The following PPP1R3B variants were observed in gnomAD, a reference collection of about 807,000 sequenced individuals.
PPP1R3B encodes the protein protein phosphatase 1 regulatory subunit 3B, also known as PP1 subunit R4.
A neutral mutation model predicts 14.6 loss-of-function variants in PPP1R3B; 8 were observed. That is an observed-to-expected ratio of 0.55 (90% CI 0.32 to 0.99). The LOEUF (loss-of-function observed/expected upper bound fraction) is 0.99, where lower values mean the gene tolerates loss of function less well. Ranked by LOEUF, PPP1R3B falls within the 50% of genes least tolerant of loss-of-function variation. The probability of loss-of-function intolerance (pLI) is 0.04; values close to 1 mark genes in which losing one functional copy is unlikely to be tolerated. For missense variants in PPP1R3B, 452 were observed against 360.1 expected, an observed-to-expected ratio of 1.26 and a Z score of -2.07; for synonymous variants, 169 against 142.0, an observed-to-expected ratio of 1.19 and a Z score of -1.35.
In PPP1R3B at chr8:9,141,552, G is replaced by T; in HGVS notation, c.100C>A (p.Leu34Met). ...CTGCTCAGCTGAATACAAGGCCTCA[G>T]TGGTTTGCTGGGCTTTGGTGAGATC... ...FKISPKPSKP[L>M]RPCIQLSSKN... The change falls in exon 2 of 2, where the codon CTG (leucine) becomes ATG (methionine). Residue 34 changes from leucine to methionine, a missense_variant. Leu to Met is a conservative substitution (Grantham distance 15, BLOSUM62 2). Coordinates refer to ENST00000310455, the MANE Select transcript of PPP1R3B (RefSeq NM_024607.4). 1 of 1,614,170 alleles carries T rather than the reference G, an allele frequency of 6.2e-7. No individual in the cohort carries two copies. Among genetic ancestry groups the T allele is most frequent in the South Asian group, 1.1e-5 (1 of 91,088 alleles).
intron 1 of PPP1R3B, among the ~76,000 whole-genome samples, chr8:9,142,785 C>G (rs925961997): frequency 2.0e-5 from 3 of 152,180 alleles, no homozygotes; most frequent in Non-Finnish European, 4.4e-5. Context: ...CTGTGCCTGA[C>G]TTATTCACTT....
intron 1 of PPP1R3B, among the ~76,000 whole-genome samples, chr8:9,143,999 A>G (rs1173149355): frequency 6.6e-6 from 1 of 152,176 alleles, no homozygotes. Flanking sequence ...AATAAAGTCA[A>G]ATATTCCACA....
At position 9,137,576 on chromosome 8, in the gene PPP1R3B, G is replaced by A. The variant is rs1800928700; in HGVS notation, c.*3218C>T. The A allele has an allele frequency of 1.3e-5, 2 of 152,284 alleles. No homozygotes were observed. Among genetic ancestry groups the A allele is most frequent in the South Asian group, 2.1e-4 (1 of 4,836 alleles). The allele number at this position is 152,284 out of a possible 1,614,324, so 9.4% of individuals were successfully genotyped here. On this transcript the variant is annotated 3_prime_UTR_variant, in exon 2 of 2. Coordinates refer to ENST00000310455, the MANE Select transcript of PPP1R3B (RefSeq NM_024607.4). The stretch of plus-strand genomic sequence containing the variant: ...GAGAGAATACATCAGCGCAGCTCCC[G>A]AGGCCTTCTGAGAATTTCACGGGAC...
chr8:9,151,411 A>G (rs1180838143), upstream of PPP1R3B: 1 of 162,362 alleles, frequency 6.2e-6, no homozygotes, highest in Non-Finnish European at 1.3e-5. Flanking sequence ...CCCTGGGGGA[A>G]CAGGGACAGC....
At chr8:9,143,097 A>T (rs996467491) in intron 1 of PPP1R3B, among the ~76,000 whole-genome samples, 2 of 152,118 alleles carry the variant, frequency 1.3e-5, no homozygotes, top group African/African-American at 4.8e-5. Context: ...ATTTTCCATA[A>T]TGGCTGTACT....
rs1356692402 is a variant in PPP1R3B at position 9,138,789 on chromosome 8, AAAAATAG to A, written c.*1998_*2004del. ...GTTTAACCAAACTCCAAAAACAAAC[AAAAATAG>A]AAAATAAAAAACCAACTTCCTACAA... On this transcript the variant is annotated 3_prime_UTR_variant, in exon 2 of 2. Transcript: ENST00000310455. The A allele has an allele frequency of 1.3e-5, 2 of 152,232 alleles. No individual in the cohort carries two copies. Among genetic ancestry groups the A allele is most frequent in the African/African-American group, 4.8e-5 (2 of 41,466 alleles). The allele number at this position is 152,232 out of a possible 1,614,324, so 9.4% of individuals were successfully genotyped here.
intron 1 of PPP1R3B, among the ~76,000 whole-genome samples, chr8:9,144,574 G>C (rs902913199): frequency 4.6e-5 from 7 of 152,060 alleles, no homozygotes; most frequent in Admixed American, 3.9e-4. Context: ...ATCACATAGA[G>C]ACATTTATCC....
At chr8:9,146,745 C>A (rs1801252216) in intron 1 of PPP1R3B, among the ~76,000 whole-genome samples, 1 of 152,066 alleles carries the variant, frequency 6.6e-6, no homozygotes, top group Non-Finnish European at 1.5e-5. Context: ...GGCAAATTTG[C>A]TTTCAATGAT....
rs1173369311 is a variant in PPP1R3B at position 9,141,147 on chromosome 8, A to G, written c.505T>C (p.Trp169Arg). 4.3e-6 allele frequency: 7 copies of G among 1,613,966 alleles called. No individual in the cohort carries two copies. The highest frequency in any genetic ancestry group is 5.9e-6 in the Non-Finnish European group (7 of 1,180,002). ...TVKIRMTFDTWKSYTDFPCQY... is the reference protein window; with the variant it reads ...TVKIRMTFDTRKSYTDFPCQY... ...CAAGGAAAGTCTGTGTAGCTCTTCCAGGTGTCGAACGTCATCCTTATTTTC... is the reference window on the plus strand; with the variant it reads ...CAAGGAAAGTCTGTGTAGCTCTTCCGGGTGTCGAACGTCATCCTTATTTTC... Residue 169 changes from tryptophan (W) to arginine (R), a missense_variant, in exon 2 of 2, where the codon TGG becomes CGG. Physicochemically the swap from Trp to Arg is moderately radical, Grantham distance 101. Coordinates refer to ENST00000310455, the MANE Select transcript of PPP1R3B (RefSeq NM_024607.4).
rs138144708 is a variant in PPP1R3B at position 9,141,373 on chromosome 8, G to A, written c.279C>T (p.Thr93=). The change falls in exon 2 of 2, where the codon ACC becomes ACT. Residue 93 remains threonine, a synonymous_variant. Transcript: ENST00000310455. ...AGCTCACAATGTTGTCTAGGAGCTC[G>A]GTGATGTTGAATGGCATATCTAGCG... The part of the protein sequence containing the change: ...DDPLDMPFNI[T]ELLDNIVSLT... 1.2e-5 allele frequency: 20 copies of A among 1,614,088 alleles called. No homozygotes were observed. Among genetic ancestry groups the A allele is most frequent in the South Asian group, 6.6e-5 (6 of 91,084 alleles).
chr8:9,144,562 A>G (rs569770588), intron 1 of PPP1R3B, among the ~76,000 whole-genome samples: 7 of 152,324 alleles, frequency 4.6e-5, no homozygotes, highest in African/African-American at 1.7e-4. Context: ...TTTTATCCTA[A>G]TATCACATAG....
chr8:9,143,483 T>C (rs919763976), intron 1 of PPP1R3B, among the ~76,000 whole-genome samples: 6 of 152,166 alleles, frequency 3.9e-5, no homozygotes, highest in African/African-American at 1.4e-4. Context: ...AGGTGGTTCA[T>C]CTGAGGTCAG....
At chr8:9,144,001 T>C (rs1801162991) in intron 1 of PPP1R3B, among the ~76,000 whole-genome samples, 1 of 152,004 alleles carries the variant, frequency 6.6e-6, no homozygotes, top group Admixed American at 6.6e-5. Flanking sequence ...TAAAGTCAAA[T>C]ATTCCACATA....
rs538263953 is a variant in PPP1R3B, at chr8:9,136,618, G to A, written c.*4176C>T. ...CAACCATGACCAGGAAAAACTGCTC[G>A]TAACAACAGCTGTCCTTCCCAGTTC... On this transcript the variant is annotated 3_prime_UTR_variant, in exon 2 of 2. Coordinates refer to ENST00000310455, the MANE Select transcript of PPP1R3B (RefSeq NM_024607.4). 3.3e-5 allele frequency: 5 copies of A among 152,192 alleles called. No individual in the cohort carries two copies. The highest frequency in any genetic ancestry group is 2.1e-4 in the South Asian group (1 of 4,824). 9.4% of individuals were successfully genotyped at this position (152,192 alleles called of 1,614,324 possible).
rs1174039946 is a variant in PPP1R3B at position 9,138,268 on chromosome 8, CA to C, written c.*2525del. 6.6e-6 allele frequency: 1 copy of C among 152,176 alleles called. No homozygotes were observed. Among genetic ancestry groups the C allele is most frequent in the East Asian group, 1.9e-4 (1 of 5,188 alleles). 9.4% of individuals were successfully genotyped at this position (152,176 alleles called of 1,614,324 possible). ...TGTTACCCGATGTCTGGTATGTTTA[CA>C]TAAAACGTGGTTCTGCCCAGTAACA... is the stretch of plus-strand genomic sequence containing the variant. On this transcript the variant is annotated 3_prime_UTR_variant, in exon 2 of 2. Coordinates refer to ENST00000310455, the MANE Select transcript of PPP1R3B (RefSeq NM_024607.4).
At chr8:9,148,571 G>T (rs1418256526) in intron 1 of PPP1R3B, among the ~76,000 whole-genome samples, 1 of 152,202 alleles carries the variant, frequency 6.6e-6, no homozygotes, top group Admixed American at 6.5e-5. Context: ...TCTGGTGAGA[G>T]ACTGGGCCAT....
In PPP1R3B at chr8:9,141,532, C is replaced by T. The variant is rs1282180552; in HGVS notation, c.120G>A (p.Leu40=). Residue 40 remains leucine, a synonymous_variant, in exon 2 of 2, where the codon CTG becomes CTA. Transcript: ENST00000310455. ...PSKPLRPCIQ[L]SSKNEASGMV... ...TTCCACTGGCTTCATTCTTGCTGCT[C>T]AGCTGAATACAAGGCCTCAGTGGTT... is the stretch of plus-strand genomic sequence containing the variant. The T allele has an allele frequency of 6.2e-7, 1 of 1,614,034 alleles. No individual in the cohort carries two copies. The highest frequency in any genetic ancestry group is 8.5e-7 in the Non-Finnish European group (1 of 1,180,046).
At chr8:9,142,501 A>G (rs904407275) in intron 1 of PPP1R3B, 3 of 152,208 alleles carry the variant, frequency 2.0e-5, no homozygotes, top group Admixed American at 2.0e-4. Flanking sequence ...CATGCATTAT[A>G]TCACACTTTT....
rs1358258453 is a variant in PPP1R3B at position 9,141,100 on chromosome 8, A to AT, written c.551dup (p.Tyr184Ter). The AT allele has an allele frequency of 1.2e-6, 2 of 1,614,146 alleles. No homozygotes were observed. Among genetic ancestry groups the AT allele is most frequent in the Non-Finnish European group, 1.7e-6 (2 of 1,180,034 alleles). Residue 184 changes from tyrosine to a stop codon, truncating the protein, a stop_gained and frameshift_variant, in exon 2 of 2, where the codon TAT (tyrosine) becomes TAAT (stop). Transcript: ENST00000310455. LOFTEE classifies it high-confidence loss of function. ...AGAACGTGTCCCTGTCTGAACCGGCATAAGTGTCCTTCACGTACTGACAAG... is the reference window on the plus strand; with the variant it reads ...AGAACGTGTCCCTGTCTGAACCGGCATTAAGTGTCCTTCACGTACTGACAAG... ...DFPCQYVKDT[Y>*]AGSDRDTFSF...
Sources: allele counts gnomAD v4.1 joint callset (sites outside exome capture counted in the v4.1 genomes callset), GRCh38; gene constraint gnomAD v4.1.1; transcripts MANE v1.5; gene names NCBI Gene and HGNC (gene_info 2026-07-23, HGNC 2026-07-21).